Variants in ZBTB20 observed in about 807,000 individuals in gnomAD.
ZBTB20 encodes zinc finger and BTB domain containing 20.
A neutral mutation model predicts 56.9 loss-of-function variants in ZBTB20; 9 were observed. The observed-to-expected ratio is 0.16, with a 90% confidence interval of 0.10 to 0.28. ZBTB20 has a LOEUF of 0.28. Ranked by LOEUF, ZBTB20 falls within the 10% of genes least tolerant of loss-of-function variation. The probability of loss-of-function intolerance (pLI) is 1.00; values close to 1 mark genes in which losing one functional copy is unlikely to be tolerated. For missense variants in ZBTB20, 655 were observed against 1,003.0 expected, an observed-to-expected ratio of 0.65 and a Z score of 4.69; for synonymous variants, 417 against 420.7, an observed-to-expected ratio of 0.99 and a Z score of 0.11.
intron 1 of ZBTB20, among the ~76,000 whole-genome samples, chr3:115,144,080 C>T (rs1056283336): frequency 2.0e-5 from 3 of 152,174 alleles, no homozygotes; most frequent in African/African-American, 7.2e-5. Flanking sequence ...TAAATTTAAC[C>T]ATCCATTTCA....
At chr3:114,753,372 A>ATACACACACTATAT (rs1560209551) in intron 5 of ZBTB20, among the ~76,000 whole-genome samples, 1 of 45,426 alleles carries the variant, frequency 2.2e-5, no homozygotes, top group African/African-American at 5.5e-5. Context: ...ATGTATATAT[A>ATACACACACTATAT]ATGTATATAC....
At chr3:114,402,782 CT>C (rs1328969662) in intron 7 of ZBTB20, among the ~76,000 whole-genome samples, 5 of 152,146 alleles carry the variant, frequency 3.3e-5, no homozygotes, top group East Asian at 1.9e-4. Flanking sequence ...GCTTTCCCCC[CT>C]AGCTACTGTG....
intron 6 of ZBTB20, among the ~76,000 whole-genome samples, chr3:114,520,614 T>C (rs1395607508): frequency 6.6e-6 from 1 of 152,180 alleles, no homozygotes; most frequent in African/African-American, 2.4e-5. Flanking sequence ...TATCTTGTAA[T>C]GCTTTATTAA....
intron 2 of ZBTB20, among the ~76,000 whole-genome samples, chr3:115,050,634 A>C (rs1481435152): frequency 6.6e-6 from 1 of 152,074 alleles, no homozygotes; most frequent in Non-Finnish European, 1.5e-5. Flanking sequence ...CTTTTATTTC[A>C]CTTTCTATAA....
Position 114,701,180 on chromosome 3 carries a change from A to T in ZBTB20, c.-342-7605T>A, listed in dbSNP as rs557883668. Among the ~76,000 whole-genome samples the T allele has an allele frequency of 3.3e-5, 5 of 152,298 alleles. 1 individual carries two copies. The highest frequency in any genetic ancestry group is 1.2e-4 in the African/African-American group (5 of 41,570). ...TACATCACTCCATTCCACTGTATTG[A>T]TGTGAATAGGCTTTCAGCAACACCG... On this transcript the variant is annotated intron_variant, in intron 5 of 11. Transcript: ENST00000675478.
Position 114,481,265 on chromosome 3 carries a change from T to TAAAAA in ZBTB20, c.-255+19082_-255+19086dup, listed in dbSNP as rs376629043. On this transcript the variant is annotated intron_variant, in intron 7 of 11. Transcript: ENST00000675478. ...CCATCGAATCTACAAAAGGATACATTAAAAAAAAAAAAAACCTCATTTCCT... is the reference window on the plus strand; with the variant it reads ...CCATCGAATCTACAAAAGGATACATTAAAAAAAAAAAAAAAAAAACCTCATTTCCT... Among the ~76,000 whole-genome samples, 3 of 146,498 alleles carry TAAAAA rather than the reference T, an allele frequency of 2.0e-5. No individual in the cohort carries two copies. In the South Asian group the frequency reaches 6.6e-4, roughly 32 times the overall value.
At chr3:114,461,939 C>A (rs553817149) in intron 7 of ZBTB20, among the ~76,000 whole-genome samples, 2 of 152,292 alleles carry the variant, frequency 1.3e-5, no homozygotes, top group South Asian at 2.1e-4. Flanking sequence ...ACCTGCTAAT[C>A]TAGGTGTCAT....
At chr3:114,429,075 G>T (rs1276216091) in intron 7 of ZBTB20, among the ~76,000 whole-genome samples, 1 of 152,032 alleles carries the variant, frequency 6.6e-6, no homozygotes, top group Non-Finnish European at 1.5e-5. Flanking sequence ...AGTAAAAAGA[G>T]GACCGGTGTT....
intron 6 of ZBTB20, among the ~76,000 whole-genome samples, chr3:114,592,069 T>C (rs544050078): frequency 7.2e-5 from 11 of 152,244 alleles, no homozygotes; most frequent in African/African-American, 2.6e-4. Flanking sequence ...GGAAAACATG[T>C]ATGTAGTCTA....
At chr3:114,719,190 CA>C (rs1200257376) in intron 5 of ZBTB20, among the ~76,000 whole-genome samples, 16 of 84,092 alleles carry the variant, frequency 1.9e-4, no homozygotes, top group African/African-American at 3.0e-4. Flanking sequence ...GGGGGTTGTG[CA>C]GGGGGGGGAA....
chr3:114,865,585 A>ACG (rs2075732644), intron 4 of ZBTB20, among the ~76,000 whole-genome samples: 1 of 152,190 alleles, frequency 6.6e-6, no homozygotes, highest in South Asian at 2.1e-4. Context: ...AATTATTCTG[A>ACG]ATGAAAACTA....
intron 5 of ZBTB20, among the ~76,000 whole-genome samples, chr3:114,788,107 T>C (rs2070689371): frequency 6.6e-6 from 1 of 152,180 alleles, no homozygotes; most frequent in Non-Finnish European, 1.5e-5. Flanking sequence ...ACAGACTATG[T>C]AGTTCAATTT....
intron 6 of ZBTB20, among the ~76,000 whole-genome samples, chr3:114,643,867 G>A (rs2059691483): frequency 1.3e-5 from 2 of 151,944 alleles, no homozygotes; most frequent in Admixed American, 1.3e-4. Context: ...TTTACATTTT[G>A]CCCGTACCTC....
At chr3:114,560,153 T>C (rs907858636) in intron 6 of ZBTB20, among the ~76,000 whole-genome samples, 5 of 152,202 alleles carry the variant, frequency 3.3e-5, no homozygotes, top group African/African-American at 1.2e-4. Context: ...TGTATATTTT[T>C]CCACATACTA....
chr3:114,582,402 A>G (rs766544083), intron 6 of ZBTB20: 3 of 148,136 alleles, frequency 2.0e-5, no homozygotes, highest in Non-Finnish European at 4.5e-5. Context: ...TTTTTTTTTT[A>G]AAGACAGAGT....
intron 3 of ZBTB20, among the ~76,000 whole-genome samples, chr3:114,958,155 T>C (rs563612975): frequency 1.3e-5 from 2 of 152,336 alleles, no homozygotes; most frequent in African/African-American, 4.8e-5. Flanking sequence ...CAAGCTCCCT[T>C]TTCAGGGAAA....
chr3:114,343,640 G>C (rs984093562), intron 11 of ZBTB20, among the ~76,000 whole-genome samples: 1 of 152,170 alleles, frequency 6.6e-6, no homozygotes, highest in Non-Finnish European at 1.5e-5. Context: ...ATCAAGACAC[G>C]ACCAGAAAAT....
intron 5 of ZBTB20, among the ~76,000 whole-genome samples, chr3:114,787,360 T>TACACAC (rs1354282995): frequency 4.0e-4 from 38 of 96,144 alleles, no homozygotes; most frequent in African/African-American, 9.9e-4. Flanking sequence ...TATATATATA[T>TACACAC]ATATATATAC....
At chr3:114,953,972 C>T (rs969835938) in intron 3 of ZBTB20, among the ~76,000 whole-genome samples, 1 of 152,064 alleles carries the variant, frequency 6.6e-6, no homozygotes, top group Non-Finnish European at 1.5e-5. Context: ...GTAATGGTTA[C>T]TTCTTCAGAG....
Sources: allele counts gnomAD v4.1 joint callset (sites outside exome capture counted in the v4.1 genomes callset), GRCh38; gene constraint gnomAD v4.1.1; transcripts MANE v1.5; gene names NCBI Gene and HGNC (gene_info 2026-07-23, HGNC 2026-07-21).